Variants in TMEM161B observed in about 807,000 individuals in gnomAD.
TMEM161B encodes the protein transmembrane protein 161B.
Under a neutral mutation model 61.8 loss-of-function variants are expected in TMEM161B, and 34 were observed. The observed-to-expected ratio is 0.55, with a 90% CI of 0.42 to 0.73. The LOEUF is 0.73. Among genes scored for constraint, TMEM161B ranks in the 30% least tolerant of loss-of-function variants. TMEM161B has a pLI of 0.00. For synonymous variants in TMEM161B, 167 were observed against 192.8 expected, an observed-to-expected ratio of 0.87 and a Z score of 1.11; for missense variants, 456 against 558.5, an observed-to-expected ratio of 0.82 and a Z score of 1.85.
Position 88,268,758 on chromosome 5 carries a change from G to T in TMEM161B, c.-35C>A. On this transcript the variant is annotated 5_prime_UTR_variant, in exon 1 of 12. Transcript: ENST00000296595. Reference sequence around the variant, plus strand: ...GATAGGTCGTGGACCAGACACCCTGGAGTTGCCGGGGCAGTCCCAAACCTC... The same window carrying T: ...GATAGGTCGTGGACCAGACACCCTGTAGTTGCCGGGGCAGTCCCAAACCTC... 1 of 1,613,946 alleles carries T rather than the reference G, an allele frequency of 6.2e-7. No homozygotes were observed. The highest frequency in any genetic ancestry group is 1.1e-5 in the South Asian group (1 of 91,070).
intron 1 of TMEM161B, among the ~76,000 whole-genome samples, chr5:88,257,231 C>A (rs1755102359): frequency 6.6e-6 from 1 of 152,150 alleles, no homozygotes; most frequent in Non-Finnish European, 1.5e-5. Flanking sequence ...ACACCACTCA[C>A]TGCTCTCCAG....
At chr5:88,226,319 T>G (rs1750044629) in intron 3 of TMEM161B, among the ~76,000 whole-genome samples, 1 of 152,158 alleles carries the variant, frequency 6.6e-6, no homozygotes, top group African/African-American at 2.4e-5. Flanking sequence ...TATGAGAAAT[T>G]CAGAAACATG....
chr5:88,218,000 AG>A (rs1387705295), intron 5 of TMEM161B, among the ~76,000 whole-genome samples: 1 of 152,094 alleles, frequency 6.6e-6, no homozygotes, highest in Non-Finnish European at 1.5e-5. Flanking sequence ...ATTCCATCAA[AG>A]GGGCAGGTGA....
chr5:88,221,083 T>C (rs905996448), intron 4 of TMEM161B, among the ~76,000 whole-genome samples: 6 of 152,186 alleles, frequency 3.9e-5, no homozygotes, highest in Admixed American at 6.6e-5. Flanking sequence ...CTATGATACC[T>C]TAACTTCAGA....
At chr5:88,238,554 A>T (rs1752231436) in intron 2 of TMEM161B, among the ~76,000 whole-genome samples, 1 of 152,030 alleles carries the variant, frequency 6.6e-6, no homozygotes, top group Non-Finnish European at 1.5e-5. Context: ...TGTAAAAAAA[A>T]ATTCATGATC....
intron 10 of TMEM161B, chr5:88,198,051 G>GTA (rs890243124): frequency 2.3e-5 from 5 of 213,500 alleles, no homozygotes; most frequent in Non-Finnish European, 3.7e-5. Flanking sequence ...GATTCAAATG[G>GTA]TATATATTTA....
At chr5:88,198,911 A>ATTTTT in intron 10 of TMEM161B, 65 bp downstream of exon 10, 2 of 1,237,972 alleles carry the variant, frequency 1.6e-6, no homozygotes, top group Non-Finnish European at 2.2e-6. Flanking sequence ...AAGGAAACCA[A>ATTTTT]TTTTTTTTTT....
chr5:88,248,708 G>A (rs1289192259), intron 1 of TMEM161B, among the ~76,000 whole-genome samples: 3 of 99,502 alleles, frequency 3.0e-5, no homozygotes, highest in Non-Finnish European at 4.0e-5. Flanking sequence ...CAATTCAGTC[G>A]ACTGAGAAAA....
At chr5:88,186,660 T>C (rs1009537896), downstream of TMEM161B, among the ~76,000 whole-genome samples, 2 of 152,078 alleles carry the variant, frequency 1.3e-5, no homozygotes, top group African/African-American at 4.8e-5. Flanking sequence ...CCAAGTGCGG[T>C]GGCTCACACC....
intron 5 of TMEM161B, among the ~76,000 whole-genome samples, chr5:88,216,389 G>A (rs970898733): frequency 6.6e-5 from 10 of 152,172 alleles, no homozygotes; most frequent in African/African-American, 2.4e-4. Flanking sequence ...TGATGTCGAG[G>A]GATAGGTCTT....
At chr5:88,207,592 G>A (rs1407901420) in intron 5 of TMEM161B, among the ~76,000 whole-genome samples, 2 of 152,016 alleles carry the variant, frequency 1.3e-5, no homozygotes, top group African/African-American at 2.4e-5. Flanking sequence ...GTTGATCTGT[G>A]GTATGAAAAC....
chr5:88,206,386 T>C (rs1397627338), intron 7 of TMEM161B, 53 bp downstream of exon 7: 1 of 1,426,772 alleles, frequency 7.0e-7, no homozygotes, highest in Non-Finnish European at 9.5e-7. Context: ...TACTGCTTTA[T>C]TAAAAATAGA....
chr5:88,240,037 C>T (rs1424352076), intron 2 of TMEM161B, among the ~76,000 whole-genome samples: 2 of 151,796 alleles, frequency 1.3e-5, no homozygotes, highest in African/African-American at 2.4e-5. Flanking sequence ...GCAGACTTTC[C>T]TTGATTTCTC....
intron 9 of TMEM161B, chr5:88,200,422 C>T (rs1744173834): frequency 6.6e-6 from 1 of 152,026 alleles, no homozygotes; most frequent in Non-Finnish European, 1.5e-5. Flanking sequence ...TTCCTGGGGA[C>T]CTATAAACAA....
intron 1 of TMEM161B, among the ~76,000 whole-genome samples, chr5:88,246,595 A>G (rs1328974154): frequency 6.6e-6 from 1 of 151,968 alleles, no homozygotes; most frequent in Admixed American, 6.6e-5. Context: ...ACTAAGAAAC[A>G]CAATCATTTA....
At chr5:88,243,645 T>C (rs987361362) in intron 1 of TMEM161B, among the ~76,000 whole-genome samples, 4 of 151,706 alleles carry the variant, frequency 2.6e-5, no homozygotes, top group African/African-American at 9.7e-5. Context: ...TGGTAATCTG[T>C]TTTAAGTTAT....
At chr5:88,233,436 A>G (rs1751345272) in intron 2 of TMEM161B, among the ~76,000 whole-genome samples, 1 of 152,190 alleles carries the variant, frequency 6.6e-6, no homozygotes, top group Admixed American at 6.5e-5. Flanking sequence ...TACAGTAACT[A>G]AAAGGCAATG....
At chr5:88,256,779 T>C (rs1473540060) in intron 1 of TMEM161B, among the ~76,000 whole-genome samples, 2 of 152,230 alleles carry the variant, frequency 1.3e-5, no homozygotes, top group African/African-American at 4.8e-5. Flanking sequence ...AATAAATGGA[T>C]AAAGCATAAA....
At chr5:88,220,957 A>G (rs2112527336) in intron 4 of TMEM161B, among the ~76,000 whole-genome samples, 1 of 152,284 alleles carries the variant, frequency 6.6e-6, no homozygotes, top group Middle Eastern at 3.4e-3. Flanking sequence ...TTAAAAGATT[A>G]CCAAAAGTTA....
Sources: gnomAD v4.1 joint callset for allele counts (sites outside exome capture counted in the v4.1 genomes callset) on GRCh38, gnomAD v4.1.1 for gene constraint, MANE v1.5 for transcripts, NCBI Gene and HGNC (gene_info 2026-07-23, HGNC 2026-07-21) for gene names.